SNX30: variants seen among roughly 807,000 people sequenced by gnomAD.
SNX30 encodes sorting nexin family member 30, also known as sorting nexin-30.
In SNX30, 24 loss-of-function variants were observed where a neutral mutation model predicts 46.4. The ratio of observed to expected loss-of-function variants is 0.52; its 90% CI spans 0.37 to 0.73. The LOEUF (loss-of-function observed/expected upper bound fraction) is 0.73, where lower values mean the gene tolerates loss of function less well. Among genes scored for constraint, SNX30 ranks in the 30% least tolerant of loss-of-function variants. SNX30 has a pLI of 0.00. For synonymous variants in SNX30, 189 were observed against 211.5 expected (o/e 0.89, Z 0.92); for missense variants, 533 against 555.7 (o/e 0.96, Z 0.41).
At chr9:112,821,068 A>G (rs568929479) in intron 3 of SNX30, among the ~76,000 whole-genome samples, 40 of 152,256 alleles carry the variant, frequency 2.6e-4, no homozygotes, top group African/African-American at 9.4e-4. Context: ...TGAATCATAC[A>G]TAACTCTATA....
At chr9:112,797,467 T>C (rs1229821705) in intron 1 of SNX30, among the ~76,000 whole-genome samples, 2 of 152,174 alleles carry the variant, frequency 1.3e-5, no homozygotes, top group African/African-American at 2.4e-5. Flanking sequence ...CTTAATTATT[T>C]TGAAGCAAAT....
intron 7 of SNX30, among the ~76,000 whole-genome samples, chr9:112,861,645 C>T (rs1213488843): frequency 6.6e-6 from 1 of 152,184 alleles, no homozygotes; most frequent in Non-Finnish European, 1.5e-5. Flanking sequence ...GTTCCTCATC[C>T]CCTGCCACCC....
chr9:112,756,073 G>A (rs1008592496), intron 1 of SNX30, among the ~76,000 whole-genome samples: 4 of 152,102 alleles, frequency 2.6e-5, no homozygotes, highest in African/African-American at 9.7e-5. Context: ...TATATAAAGA[G>A]TAAAAGTTAT....
At chr9:112,852,202 CT>C (rs1303346808) in intron 7 of SNX30, among the ~76,000 whole-genome samples, 9 of 151,754 alleles carry the variant, frequency 5.9e-5, no homozygotes, top group Admixed American at 5.9e-4. Flanking sequence ...ATGATTGCGC[CT>C]GTGAATGGCC....
At chr9:112,878,781 A>G (rs1011022125), downstream of SNX30, 1 of 152,218 alleles carries the variant, frequency 6.6e-6, no homozygotes, top group Non-Finnish European at 1.5e-5. Flanking sequence ...CATTCCCTGC[A>G]AGAGGATTAG....
rs376490601 is a variant in SNX30, at chr9:112,873,941, C to A, written c.*5098C>A. The A allele has an allele frequency of 6.6e-6, 1 of 152,156 alleles. No individual in the cohort carries two copies. The highest frequency in any genetic ancestry group is 2.4e-5 in the African/African-American group (1 of 41,440). 9.4% of individuals were successfully genotyped at this position (152,156 alleles called of 1,614,324 possible). The stretch of plus-strand genomic sequence containing the variant: ...GAGCCTTTAGTGTTAACACCAGTGG[C>A]GAGGAGCATTGCATATTCTCTGTCA... On this transcript the variant is annotated 3_prime_UTR_variant, in exon 9 of 9. Transcript: ENST00000374232.
intron 1 of SNX30, among the ~76,000 whole-genome samples, chr9:112,783,064 GTTTCA>G (rs979827036): frequency 4.7e-4 from 72 of 152,232 alleles, no homozygotes; most frequent in African/African-American, 1.6e-3. Context: ...TGGTTCAGGA[GTTTCA>G]TTGTTTTAAG....
chr9:112,865,653 A>ATGTGTGTGTGTGTGTGTGTGTGTGTG (rs1219477432), intron 8 of SNX30, among the ~76,000 whole-genome samples: 6 of 110,446 alleles, frequency 5.4e-5, no homozygotes, highest in Non-Finnish European at 1.1e-4. Context: ...ATATATATAT[A>ATGTGTGTGTGTGTGTGTGTGTGTGTG]TATATATATG....
In SNX30 at chr9:112,869,141, C is replaced by G; in HGVS notation, c.*298C>G. The G allele has an allele frequency of 3.0e-6, 1 of 337,818 alleles. No homozygotes were observed. Among genetic ancestry groups the G allele is most frequent in the Non-Finnish European group, 5.6e-6 (1 of 178,012 alleles). 20.9% of individuals were successfully genotyped at this position (337,818 alleles called of 1,614,324 possible). A position where few individuals can be genotyped will look rare whatever the true frequency, so the allele number is the denominator to read the frequency against. ...TGAAACCAAGGGACAAGACAACCTG[C>G]AGCTGACGCTCTGACATTTCATGAC... On this transcript the variant is annotated 3_prime_UTR_variant, in exon 9 of 9. Transcript: ENST00000374232.
chr9:112,827,004 A>G (rs1351075060), intron 3 of SNX30, among the ~76,000 whole-genome samples: 2 of 152,110 alleles, frequency 1.3e-5, no homozygotes, highest in East Asian at 3.9e-4. Flanking sequence ...TGGGTCTGTA[A>G]TTTTATTCCT....
At chr9:112,845,712 T>C (rs899680360) in intron 6 of SNX30, among the ~76,000 whole-genome samples, 3 of 152,174 alleles carry the variant, frequency 2.0e-5, no homozygotes, top group Admixed American at 1.3e-4. Context: ...GATACTGATA[T>C]TGGCTGGCGA....
chr9:112,791,458 G>A (rs1840020844), intron 1 of SNX30, among the ~76,000 whole-genome samples: 2 of 126,472 alleles, frequency 1.6e-5, no homozygotes, highest in Admixed American at 1.0e-4. Flanking sequence ...TCGCCAGGCT[G>A]GAGTGCAGTG....
intron 1 of SNX30, among the ~76,000 whole-genome samples, chr9:112,772,348 G>A (rs1442126381): frequency 6.6e-6 from 1 of 152,188 alleles, no homozygotes; most frequent in East Asian, 1.9e-4. Flanking sequence ...CTCTTCTGCT[G>A]TAACCAGATC....
At chr9:112,762,676 C>T (rs966174109) in intron 1 of SNX30, among the ~76,000 whole-genome samples, 14 of 152,168 alleles carry the variant, frequency 9.2e-5, no homozygotes, top group Non-Finnish European at 4.4e-5. Context: ...TAAGTCTTGT[C>T]GTTGCCTTAG....
intron 1 of SNX30, among the ~76,000 whole-genome samples, chr9:112,783,581 T>C (rs1263210109): frequency 2.0e-5 from 3 of 152,188 alleles, no homozygotes; most frequent in African/African-American, 4.8e-5. Flanking sequence ...TTTGTTGTGG[T>C]TTTGAGTCAA....
At chr9:112,845,722 A>T (rs539030572) in intron 6 of SNX30, among the ~76,000 whole-genome samples, 2 of 152,228 alleles carry the variant, frequency 1.3e-5, no homozygotes, top group African/African-American at 2.4e-5. Context: ...TTGGCTGGCG[A>T]TGGAGAACCA....
At chr9:112,830,619 A>G (rs1840645743) in intron 3 of SNX30, 106 bp from the exon 4 acceptor site, 8 of 1,035,766 alleles carry the variant, frequency 7.7e-6, no homozygotes, top group Non-Finnish European at 1.1e-5. Context: ...CTGATTAAGA[A>G]ATACTTTTCT....
chr9:112,810,989 G>A (rs1206778403), intron 2 of SNX30, among the ~76,000 whole-genome samples: 1 of 152,190 alleles, frequency 6.6e-6, no homozygotes, highest in Non-Finnish European at 1.5e-5. Flanking sequence ...CAGAGGGACC[G>A]ATGGCAGGGA....
intron 1 of SNX30, among the ~76,000 whole-genome samples, chr9:112,790,084 A>T (rs1839996092): frequency 6.6e-6 from 1 of 152,202 alleles, no homozygotes; most frequent in African/African-American, 2.4e-5. Flanking sequence ...TTTTTGGAGA[A>T]TATTTGAGAT....
Sources: gnomAD v4.1 joint callset for allele counts (sites outside exome capture counted in the v4.1 genomes callset) on GRCh38, gnomAD v4.1.1 for gene constraint, MANE v1.5 for transcripts, NCBI Gene and HGNC (gene_info 2026-07-23, HGNC 2026-07-21) for gene names.